Variants in SLC2A13 observed in about 807,000 individuals in gnomAD.
The protein encoded by SLC2A13 is proton myo-inositol cotransporter.
Under a neutral mutation model 64.4 loss-of-function variants are expected in SLC2A13, and 32 were observed. That is an observed-to-expected ratio of 0.50 (90% CI 0.37 to 0.67). The LOEUF (loss-of-function observed/expected upper bound fraction) is 0.67, where lower values mean the gene tolerates loss of function less well. Among genes scored for constraint, SLC2A13 ranks in the 30% least tolerant of loss-of-function variants. SLC2A13 has a pLI of 0.00. For missense variants in SLC2A13, 743 were observed against 829.2 expected, an observed-to-expected ratio of 0.90 and a Z score of 1.28; for synonymous variants, 338 against 327.1, an observed-to-expected ratio of 1.03 and a Z score of -0.36.
chr12:39,780,332 C>T lies in SLC2A13; in HGVS notation c.1446-15474G>A, dbSNP rs563715827. On this transcript the variant is annotated intron_variant, in intron 7 of 9. Coordinates refer to ENST00000280871, the MANE Select transcript of SLC2A13 (RefSeq NM_052885.4). ...CCAGTTCAGATATATATATGGAAAC[C>T]TCTCTTGAGGTGTCTTACTTTTTAT... Among the ~76,000 whole-genome samples the T allele has an allele frequency of 7.9e-5, 12 of 152,248 alleles. No individual in the cohort carries two copies. In the South Asian group the frequency reaches 2.3e-3, roughly 29 times the overall value.
chr12:40,000,660 C>T (rs1947308104), intron 3 of SLC2A13, among the ~76,000 whole-genome samples: 1 of 152,202 alleles, frequency 6.6e-6, no homozygotes, highest in Non-Finnish European at 1.5e-5. Flanking sequence ...GCCACCTTCC[C>T]GCAGTATCCC....
chr12:39,933,259 G>A (rs1204057959), intron 4 of SLC2A13, among the ~76,000 whole-genome samples: 2 of 152,086 alleles, frequency 1.3e-5, no homozygotes, highest in African/African-American at 4.8e-5. Flanking sequence ...AACTGTGAAG[G>A]AAAGCTATGA....
At chr12:39,978,842 G>A (rs1235823551) in intron 3 of SLC2A13, among the ~76,000 whole-genome samples, 1 of 151,734 alleles carries the variant, frequency 6.6e-6, no homozygotes, top group Non-Finnish European at 1.5e-5. Context: ...AGGCCTGCCT[G>A]CCTCTGTAGG....
At chr12:40,099,039 T>C (rs1939058162) in intron 1 of SLC2A13, among the ~76,000 whole-genome samples, 1 of 152,238 alleles carries the variant, frequency 6.6e-6, no homozygotes, top group African/African-American at 2.4e-5. Flanking sequence ...CTTGGACACA[T>C]GCTGCAGACC....
At chr12:39,787,072 C>T (rs1941215637) in intron 7 of SLC2A13, among the ~76,000 whole-genome samples, 1 of 152,082 alleles carries the variant, frequency 6.6e-6, no homozygotes, top group Non-Finnish European at 1.5e-5. Context: ...CGGTAAACCT[C>T]TGATCTATGT....
At chr12:39,891,383 A>G (rs1944604789) in intron 4 of SLC2A13, among the ~76,000 whole-genome samples, 1 of 151,842 alleles carries the variant, frequency 6.6e-6, no homozygotes, top group African/African-American at 2.4e-5. Flanking sequence ...CTATCCTTTC[A>G]CAGAGGAGAA....
At chr12:40,096,012 G>A (rs1306480524) in intron 1 of SLC2A13, among the ~76,000 whole-genome samples, 1 of 152,010 alleles carries the variant, frequency 6.6e-6, no homozygotes, top group East Asian at 1.9e-4. Flanking sequence ...TCAGCTCACT[G>A]CAAGCTCCAC....
chr12:40,057,972 C>T (rs1458955726), intron 1 of SLC2A13, among the ~76,000 whole-genome samples: 2 of 151,922 alleles, frequency 1.3e-5, no homozygotes, highest in Non-Finnish European at 2.9e-5. Flanking sequence ...TCATCAACCA[C>T]TTACAATATT....
At chr12:39,907,139 T>C (rs1024797375) in intron 4 of SLC2A13, among the ~76,000 whole-genome samples, 2 of 152,186 alleles carry the variant, frequency 1.3e-5, no homozygotes, top group Non-Finnish European at 2.9e-5. Flanking sequence ...TAGTAATCCT[T>C]TGTAATTTTC....
intron 4 of SLC2A13, among the ~76,000 whole-genome samples, chr12:39,935,190 GACCT>G (rs1236889752): frequency 2.6e-5 from 4 of 152,126 alleles, no homozygotes; most frequent in African/African-American, 9.7e-5. Flanking sequence ...AGGAGTTTAA[GACCT>G]GCCTGGGCAA....
chr12:39,811,726 A>G (rs908255583), intron 7 of SLC2A13, among the ~76,000 whole-genome samples: 3 of 152,192 alleles, frequency 2.0e-5, no homozygotes, highest in Non-Finnish European at 4.4e-5. Context: ...CATCCTTCTT[A>G]ATCTCTGATA....
chr12:40,079,816 G>T (rs1157315363), intron 1 of SLC2A13, among the ~76,000 whole-genome samples: 2 of 152,158 alleles, frequency 1.3e-5, no homozygotes, highest in South Asian at 2.1e-4. Context: ...AGATAGTTAA[G>T]ACTGTTTATT....
intron 3 of SLC2A13, among the ~76,000 whole-genome samples, chr12:40,001,422 T>G (rs1942341989): frequency 6.6e-6 from 1 of 152,244 alleles, no homozygotes; most frequent in South Asian, 2.1e-4. Context: ...CTGTTATCTT[T>G]TCTAAAAATT....
At chr12:39,799,570 A>C (rs1415046811) in intron 7 of SLC2A13, among the ~76,000 whole-genome samples, 7 of 152,112 alleles carry the variant, frequency 4.6e-5, no homozygotes, top group African/African-American at 1.4e-4. Flanking sequence ...AAGATAGCCC[A>C]AAAAAACAAA....
chr12:39,955,565 A>T (rs1281558014), intron 3 of SLC2A13, among the ~76,000 whole-genome samples: 1 of 152,196 alleles, frequency 6.6e-6, no homozygotes, highest in Non-Finnish European at 1.5e-5. Context: ...AAGCTATGGT[A>T]GGCTAAATAA....
intron 3 of SLC2A13, among the ~76,000 whole-genome samples, chr12:40,009,528 C>G (rs2136192553): frequency 6.6e-6 from 1 of 152,274 alleles, no homozygotes; most frequent in East Asian, 1.9e-4. Context: ...TCCCTGGGCT[C>G]AAGCAATTGT....
chr12:39,992,976 A>G (rs550669), intron 3 of SLC2A13, among the ~76,000 whole-genome samples: 81,037 of 152,040 alleles, frequency 0.53, 22,041 homozygotes, highest in African/African-American at 0.6. Flanking sequence ...TGACTTAAAT[A>G]TTTAAAATTG....
chr12:39,987,667 A>G (rs1947053958), intron 3 of SLC2A13, among the ~76,000 whole-genome samples: 1 of 152,194 alleles, frequency 6.6e-6, no homozygotes, highest in African/African-American at 2.4e-5. Context: ...AAAAGCTGCC[A>G]AAGGTCAAAT....
chr12:39,929,920 C>T (rs572592852), intron 4 of SLC2A13, among the ~76,000 whole-genome samples: 8 of 152,176 alleles, frequency 5.3e-5, no homozygotes, highest in Admixed American at 2.6e-4. Context: ...CACCTGAGGT[C>T]AGGAGTTCGA....
Sources: allele counts gnomAD v4.1 joint callset (sites outside exome capture counted in the v4.1 genomes callset), GRCh38; gene constraint gnomAD v4.1.1; transcripts MANE v1.5; gene names NCBI Gene and HGNC (gene_info 2026-07-23, HGNC 2026-07-21).